Variants in ATR observed in about 807,000 individuals in gnomAD.
ATR encodes serine/threonine-protein kinase ATR.
Under a neutral mutation model 305.3 loss-of-function variants are expected in ATR, and 142 were observed. The ratio of observed to expected loss-of-function variants is 0.47; its 90% confidence interval spans 0.41 to 0.53. The LOEUF is 0.53. ATR is among the 20% of genes least tolerant of loss of function. The pLI, the probability that ATR is intolerant of heterozygous loss-of-function variation, is 0.00. For synonymous variants in ATR, 1,050 were observed against 1,068.1 expected (o/e 0.98, Z 0.33); for missense variants, 2,135 against 3,133.1 (o/e 0.68, Z 7.60).
In ATR at chr3:142,519,532, C is replaced by T. The variant is rs914531726; in HGVS notation, c.4382+137G>A. 1.1e-4 allele frequency: 69 copies of T among 646,846 alleles called. No individual in the cohort carries two copies. The African/African-American group carries it at 1.1e-3, about 11-fold the overall frequency. 40.1% of individuals were successfully genotyped at this position (646,846 alleles called of 1,614,324 possible). A position where few individuals can be genotyped will look rare whatever the true frequency, so the allele number is the denominator to read the frequency against. ...GGTCAGGCTGATCTCGAACTCCTGACCTCGTGATCCGCCCGCCTCAGCCTC... is the reference window on the plus strand; with the variant it reads ...GGTCAGGCTGATCTCGAACTCCTGATCTCGTGATCCGCCCGCCTCAGCCTC... On this transcript the variant is annotated intron_variant, in intron 24 of 46. Transcript: ENST00000350721.
chr3:142,530,602 G>C (rs1318986275), intron 21 of ATR, among the ~76,000 whole-genome samples: 2 of 152,178 alleles, frequency 1.3e-5, no homozygotes, highest in Non-Finnish European at 2.9e-5. Flanking sequence ...ATAGTGAAGT[G>C]CAGTTTTCTT....
rs555377328 is a variant in ATR at position 142,513,373 on chromosome 3, T to C, written c.4641+128A>G. On this transcript the variant is annotated intron_variant, in intron 26 of 46. Transcript: ENST00000350721. ...TACACACACCAAACAGGCAAAGATA[T>C]GTAAATGAACATACATAGCCATACA... 5.5e-4 allele frequency: 613 copies of C among 1,106,278 alleles called. 6 individuals are homozygous for C. In the South Asian group the frequency reaches 5.9e-3, roughly 11 times the overall value. The allele number at this position is 1,106,278 out of a possible 1,614,324, so 68.5% of individuals were successfully genotyped here.
intron 32 of ATR, among the ~76,000 whole-genome samples, chr3:142,497,853 GT>G (rs1395066538): frequency 6.6e-6 from 1 of 152,026 alleles, no homozygotes; most frequent in Non-Finnish European, 1.5e-5. Context: ...AATTAATGTA[GT>G]TTTTTTCTAA....
rs1172052425 is a variant in ATR, at chr3:142,571,507, ATAAT to A, written c.60-3357_60-3354del. ...AATAAATAAATAAATAAATAAATAAATAATCAAAAGCAAGTATCATGTACACCCA... is the reference window on the plus strand; with the variant it reads ...AATAAATAAATAAATAAATAAATAAACAAAAGCAAGTATCATGTACACCCA... On this transcript the variant is annotated intron_variant, in intron 1 of 46. Coordinates refer to ENST00000350721, the MANE Select transcript of ATR (RefSeq NM_001184.4). 1.3e-4 allele frequency among the ~76,000 whole-genome samples: 19 copies of A among 143,186 alleles called. No homozygotes were observed. The Middle Eastern group carries it at 0.015, about 112-fold the overall frequency. The allele number at this position is 143,186 out of a possible 152,430, so 93.9% of individuals were successfully genotyped here. A position where few individuals can be genotyped will look rare whatever the true frequency, so the allele number is the denominator to read the frequency against.
chr3:142,535,279 T>C, intron 20 of ATR, 74 bp from the exon 21 acceptor site: 1 of 1,568,858 alleles, frequency 6.4e-7, no homozygotes, highest in Non-Finnish European at 8.7e-7. Flanking sequence ...GCCTGAATTC[T>C]CTATATAGTT....
chr3:142,544,669 G>A (rs2034202199), intron 16 of ATR, among the ~76,000 whole-genome samples: 1 of 144,064 alleles, frequency 6.9e-6, no homozygotes, highest in Admixed American at 7.0e-5. Context: ...AGCAACTAAA[G>A]CATTTTGAAC....
chr3:142,533,371 A>C (rs2108420223), intron 21 of ATR, among the ~76,000 whole-genome samples: 1 of 152,322 alleles, frequency 6.6e-6, no homozygotes, highest in East Asian at 1.9e-4. Flanking sequence ...CATATATTTC[A>C]AGTGCTCAAG....
chr3:142,537,204 C>A (rs867578785), intron 19 of ATR, among the ~76,000 whole-genome samples: 1 of 151,778 alleles, frequency 6.6e-6, no homozygotes, highest in Non-Finnish European at 1.5e-5. Flanking sequence ...AATCTTCCTG[C>A]CTCAGCCTGC....
At chr3:142,456,529 G>A (rs1170793615) in intron 45 of ATR, among the ~76,000 whole-genome samples, 2 of 151,740 alleles carry the variant, frequency 1.3e-5, no homozygotes, top group African/African-American at 2.4e-5. Flanking sequence ...CCAAGATCAC[G>A]CCACTGCACT....
chr3:142,508,393 G>A (rs900174475), intron 27 of ATR, among the ~76,000 whole-genome samples: 1 of 151,964 alleles, frequency 6.6e-6, no homozygotes, highest in African/African-American at 2.4e-5. Context: ...TCCTTACAAC[G>A]TTGTTGGTGA....
chr3:142,465,802 C>G (rs540483273), intron 40 of ATR: 1 of 168,776 alleles, frequency 5.9e-6, no homozygotes, highest in East Asian at 1.7e-4. Flanking sequence ...CCTAGGAGTT[C>G]AAGACTAGCC....
chr3:142,478,991 G>A (rs1299623954), intron 36 of ATR, among the ~76,000 whole-genome samples: 1 of 152,000 alleles, frequency 6.6e-6, no homozygotes, highest in African/African-American at 2.4e-5. Context: ...GTCTCTGCAC[G>A]TGAGATGGGT....
intron 36 of ATR, among the ~76,000 whole-genome samples, chr3:142,483,709 C>T (rs372920672): frequency 5.0e-4 from 76 of 152,116 alleles, no homozygotes; most frequent in Non-Finnish European, 9.3e-4. Context: ...TGGTGGCACA[C>T]GCCTGTAATA....
At chr3:142,565,412 G>A (rs1040316635) in intron 3 of ATR, among the ~76,000 whole-genome samples, 5 of 151,916 alleles carry the variant, frequency 3.3e-5, no homozygotes, top group Non-Finnish European at 5.9e-5. Context: ...ACCAATGAAG[G>A]GACAAAAGTA....
chr3:142,543,515 CTT>C (rs768171964), intron 16 of ATR, among the ~76,000 whole-genome samples: 2 of 146,414 alleles, frequency 1.4e-5, no homozygotes, highest in Non-Finnish European at 3.0e-5. Flanking sequence ...CCCTCTTTCT[CTT>C]TCTTTCTTCC....
intron 33 of ATR, 64 bp from the exon 34 acceptor site, chr3:142,496,584 T>C: frequency 6.6e-7 from 1 of 1,520,104 alleles, no homozygotes; most frequent in South Asian, 1.1e-5. Flanking sequence ...CAACTTAACT[T>C]AAAACAATTT....
At chr3:142,451,721 A>C in intron 46 of ATR, 1 of 1,179,984 alleles carries the variant, frequency 8.5e-7, no homozygotes, top group Non-Finnish European at 1.1e-6. Context: ...CTGGGACTAC[A>C]GGAGTGTGCC....
chr3:142,459,425 G>C lies in ATR; in HGVS notation c.7193-42C>G, dbSNP rs753715468. ...TATCCATTAATCACATCAGCCAAAT[G>C]AAAAAAGGGGCAAAGTTTTTTTTGT... is the stretch of plus-strand genomic sequence containing the variant. On this transcript the variant is annotated intron_variant, in intron 42 of 46. Coordinates refer to ENST00000350721, the MANE Select transcript of ATR (RefSeq NM_001184.4). The C allele has an allele frequency of 7.5e-6, 12 of 1,602,444 alleles. No individual in the cohort carries two copies. In the South Asian group the frequency reaches 1.4e-4, roughly 18 times the overall value.
At position 142,476,161 on chromosome 3, in the gene ATR, T is replaced by C. The variant is rs574389283; in HGVS notation, c.6222-5978A>G. Among the ~76,000 whole-genome samples, 20 of 152,340 alleles carry C rather than the reference T, an allele frequency of 1.3e-4. No individual in the cohort carries two copies. The East Asian group carries it at 3.1e-3, about 23-fold the overall frequency. ...TGCTTTTGGTGTTTTAGACATGAAG[T>C]CCTTGCCCATGCCTATGTCCCAAAT... On this transcript the variant is annotated intron_variant, in intron 36 of 46. Coordinates refer to ENST00000350721, the MANE Select transcript of ATR (RefSeq NM_001184.4).
Sources: gnomAD v4.1 joint callset for allele counts (sites outside exome capture counted in the v4.1 genomes callset) on GRCh38, gnomAD v4.1.1 for gene constraint, MANE v1.5 for transcripts, NCBI Gene and HGNC (gene_info 2026-07-23, HGNC 2026-07-21) for gene names.